ZSWIM5: variants seen among roughly 807,000 people sequenced by gnomAD.
The protein encoded by ZSWIM5 is zinc finger SWIM-type containing 5.
ZSWIM5 carries 55 observed loss-of-function variants against 119.6 expected under a neutral mutation model. The observed-to-expected ratio is 0.46, with a 90% CI of 0.37 to 0.58. The LOEUF (loss-of-function observed/expected upper bound fraction) is 0.58. Ranked by LOEUF, ZSWIM5 falls within the 20% of genes least tolerant of loss-of-function variation. ZSWIM5 has a pLI of 0.00. For missense variants in ZSWIM5, 1,193 were observed against 1,512.8 expected, an observed-to-expected ratio of 0.79 and a Z score of 3.51; for synonymous variants, 537 against 606.9, an observed-to-expected ratio of 0.88 and a Z score of 1.69.
At chr1:45,039,111 A>C (rs751327243) in intron 7 of ZSWIM5, 38 bp from the exon 8 acceptor site, 2 of 1,610,254 alleles carry the variant, frequency 1.2e-6, no homozygotes, top group Non-Finnish European at 1.7e-6. Flanking sequence ...ACAGTGATAG[A>C]GACAAACTGC....
chr1:45,102,155 G>A (rs1645443401), intron 1 of ZSWIM5, among the ~76,000 whole-genome samples: 1 of 151,936 alleles, frequency 6.6e-6, no homozygotes, highest in South Asian at 2.1e-4. Flanking sequence ...TCATTCAATG[G>A]TTCTCCACTG....
intron 1 of ZSWIM5, among the ~76,000 whole-genome samples, chr1:45,180,329 C>T (rs1037244677): frequency 2.0e-5 from 3 of 152,198 alleles, no homozygotes; most frequent in Admixed American, 6.5e-5. Flanking sequence ...TCACTGATTG[C>T]TAGCACAGCA....
chr1:45,035,204 C>G (rs1644975655), intron 10 of ZSWIM5, among the ~76,000 whole-genome samples: 1 of 152,228 alleles, frequency 6.6e-6, no homozygotes, highest in Non-Finnish European at 1.5e-5. Flanking sequence ...TGCTACATCC[C>G]AGAGGTTTAA....
At chr1:45,167,855 A>T (rs1645917447) in intron 1 of ZSWIM5, among the ~76,000 whole-genome samples, 1 of 152,158 alleles carries the variant, frequency 6.6e-6, no homozygotes, top group Non-Finnish European at 1.5e-5. Flanking sequence ...GAGAAACAGG[A>T]ACACTTTTCC....
At chr1:45,101,107 A>G (rs992025954) in intron 1 of ZSWIM5, among the ~76,000 whole-genome samples, 3 of 152,192 alleles carry the variant, frequency 2.0e-5, no homozygotes, top group Admixed American at 1.3e-4. Flanking sequence ...GTGAACAGGC[A>G]ACCTACAGAA....
intron 1 of ZSWIM5, among the ~76,000 whole-genome samples, chr1:45,145,233 G>T (rs531883996): frequency 6.6e-6 from 1 of 151,638 alleles, no homozygotes. Context: ...TGGTACAGGC[G>T]CTCTGGAAAA....
At position 45,016,682 on chromosome 1, in the gene ZSWIM5, C is replaced by T. The variant is rs1644855827; in HGVS notation, c.*1772G>A. ...AAAGCAGATGGAGAAGTTCTTAGTT[C>T]ACATTCTAGCTATACCACCCCTTCC... is the stretch of plus-strand genomic sequence containing the variant. On this transcript the variant is annotated 3_prime_UTR_variant, in exon 14 of 14. Transcript: ENST00000359600. 2 of 152,196 alleles carry T rather than the reference C, an allele frequency of 1.3e-5. No individual in the cohort carries two copies. The highest frequency in any genetic ancestry group is 2.1e-4 in the South Asian group (1 of 4,826). 9.4% of individuals were successfully genotyped at this position (152,196 alleles called of 1,614,324 possible).
intron 2 of ZSWIM5, among the ~76,000 whole-genome samples, chr1:45,087,368 A>T (rs566825415): frequency 1.3e-5 from 2 of 152,340 alleles, no homozygotes; most frequent in Admixed American, 1.3e-4. Context: ...CTTAATAAAT[A>T]TTTGTTGAAT....
rs372488912 is a variant in ZSWIM5, at chr1:45,043,402, A to G, written c.1433-7T>C. The G allele has an allele frequency of 1.2e-6, 2 of 1,613,902 alleles. No individual in the cohort carries two copies. The highest frequency in any genetic ancestry group is 1.3e-5 in the African/African-American group (1 of 75,060). The stretch of plus-strand genomic sequence containing the variant: ...CTTGGTCTGGATAAGGAGTCTGGAG[A>G]AAGAAGAACATGCAGCAGTACAGTG... On this transcript the variant is annotated splice_polypyrimidine_tract_variant and splice_region_variant and intron_variant, in intron 5 of 13. Coordinates refer to ENST00000359600, the MANE Select transcript of ZSWIM5 (RefSeq NM_020883.2).
intron 2 of ZSWIM5, among the ~76,000 whole-genome samples, chr1:45,070,672 G>A (rs1645216712): frequency 6.6e-6 from 1 of 152,030 alleles, no homozygotes; most frequent in African/African-American, 2.4e-5. Context: ...GTCTTTCCAT[G>A]TTTGTTAGTT....
At chr1:45,159,961 A>T (rs1273091600) in intron 1 of ZSWIM5, among the ~76,000 whole-genome samples, 1 of 152,108 alleles carries the variant, frequency 6.6e-6, no homozygotes, top group Non-Finnish European at 1.5e-5. Context: ...CTCAATTTAA[A>T]TGTCACTTTT....
At chr1:45,138,888 CT>C (rs1183370810) in intron 1 of ZSWIM5, among the ~76,000 whole-genome samples, 1 of 148,602 alleles carries the variant, frequency 6.7e-6, no homozygotes, top group Non-Finnish European at 1.5e-5. Flanking sequence ...TTTTCTTTTT[CT>C]TTTTCTTTTT....
chr1:45,060,385 T>A, intron 2 of ZSWIM5, 138 bp from the exon 3 acceptor site: 1 of 737,232 alleles, frequency 1.4e-6, no homozygotes, highest in Non-Finnish European at 2.1e-6. Flanking sequence ...TGTATAGTCC[T>A]AAACAAAATA....
At chr1:45,093,653 G>C (rs1388493608) in intron 1 of ZSWIM5, among the ~76,000 whole-genome samples, 1 of 152,164 alleles carries the variant, frequency 6.6e-6, no homozygotes, top group African/African-American at 2.4e-5. Context: ...TATCTTAAAA[G>C]GGAAGTCCCT....
At chr1:45,062,533 C>T (rs1645158918) in intron 2 of ZSWIM5, among the ~76,000 whole-genome samples, 2 of 152,166 alleles carry the variant, frequency 1.3e-5, no homozygotes, top group South Asian at 4.1e-4. Context: ...CAGGGTCTCA[C>T]TCTGTTGCCC....
chr1:45,025,176 T>C (rs1368732271), intron 11 of ZSWIM5, among the ~76,000 whole-genome samples: 2 of 152,244 alleles, frequency 1.3e-5, no homozygotes, highest in Non-Finnish European at 2.9e-5. Flanking sequence ...TTTAATTTTG[T>C]TCCATTGATC....
chr1:45,106,420 C>T (rs1417180976), intron 1 of ZSWIM5, among the ~76,000 whole-genome samples: 4 of 147,232 alleles, frequency 2.7e-5, no homozygotes, highest in African/African-American at 5.1e-5. Flanking sequence ...GCCCGGCCGC[C>T]CCATCTGGGA....
intron 1 of ZSWIM5, among the ~76,000 whole-genome samples, chr1:45,146,431 CTTTTTTTTTT>C (rs35073818): frequency 6.5e-5 from 3 of 45,882 alleles, no homozygotes; most frequent in African/African-American, 3.2e-4. Context: ...TGTTTCTAGA[CTTTTTTTTTT>C]TTTTTTTTTT....
At chr1:45,027,353 C>A (rs1644926807) in intron 11 of ZSWIM5, among the ~76,000 whole-genome samples, 2 of 151,782 alleles carry the variant, frequency 1.3e-5, no homozygotes, top group South Asian at 4.2e-4. Flanking sequence ...TACTAATGTG[C>A]AAACTTAGAT....
Sources: gnomAD v4.1 joint callset for allele counts (sites outside exome capture counted in the v4.1 genomes callset) on GRCh38, gnomAD v4.1.1 for gene constraint, MANE v1.5 for transcripts, NCBI Gene and HGNC (gene_info 2026-07-23, HGNC 2026-07-21) for gene names.